The following UBAP2 variants were observed in gnomAD, a reference collection of about 807,000 sequenced individuals.
The protein encoded by UBAP2 is ubiquitin associated protein 2.
In UBAP2, 75 loss-of-function variants were observed where a neutral mutation model predicts 139.6. The observed-to-expected ratio is 0.54, with a 90% CI of 0.45 to 0.65. UBAP2 has a LOEUF of 0.65. Ranked by LOEUF, UBAP2 falls within the 30% of genes least tolerant of loss-of-function variation. The probability of loss-of-function intolerance (pLI) is 0.00; values close to 1 mark genes in which losing one functional copy is unlikely to be tolerated. For missense variants in UBAP2, 1,368 were observed against 1,369.6 expected, an observed-to-expected ratio of 1.00 and a Z score of 0.02; for synonymous variants, 526 against 526.2, an observed-to-expected ratio of 1.00 and a Z score of 0.01.
chr9:33,945,679 T>G (rs1394583093), intron 13 of UBAP2, among the ~76,000 whole-genome samples: 1 of 152,168 alleles, frequency 6.6e-6, no homozygotes, highest in East Asian at 1.9e-4. Context: ...GACAGACATA[T>G]ATATACACAC....
At chr9:33,935,139 T>C (rs1441022569) in intron 17 of UBAP2, among the ~76,000 whole-genome samples, 1 of 126,856 alleles carries the variant, frequency 7.9e-6, no homozygotes, top group East Asian at 2.5e-4. Context: ...CTATCTTTGG[T>C]AATCACTGAG....
Position 33,927,895 on chromosome 9 carries a change from A to G in UBAP2, c.2273T>C (p.Leu758Pro), listed in dbSNP as rs193227187. 2.0e-4 allele frequency: 321 copies of G among 1,614,224 alleles called. No homozygotes were observed. Among genetic ancestry groups the G allele is most frequent in the Non-Finnish European group, 2.7e-4 (314 of 1,180,034 alleles). The change falls in exon 20 of 29, where the codon CTG (leucine) becomes CCG (proline). Residue 758 changes from leucine to proline, a missense_variant. Leu to Pro is a moderately conservative substitution (Grantham distance 98, BLOSUM62 -3). Coordinates refer to ENST00000379238, the MANE Select transcript of UBAP2 (RefSeq NM_001370062.2). ...VSSSASSGAS[L>P]SSSMNTANSL... ...GTTCGCGGTGTTCATGCTACTGGAC[A>G]GGCTGGCGCCTGAGGATGCGGAACT...
intron 2 of UBAP2, among the ~76,000 whole-genome samples, chr9:34,001,265 T>C (rs886665481): frequency 6.6e-6 from 1 of 152,210 alleles, no homozygotes; most frequent in Non-Finnish European, 1.5e-5. Flanking sequence ...ATAAGTAGGA[T>C]TGCAATCCAG....
intron 13 of UBAP2, among the ~76,000 whole-genome samples, chr9:33,945,614 T>G (rs1213026051): frequency 6.6e-6 from 1 of 152,220 alleles, no homozygotes; most frequent in Non-Finnish European, 1.5e-5. Context: ...TACCCGGTTT[T>G]CCTGAATGTC....
At chr9:33,940,193 T>C (rs1441097067) in intron 16 of UBAP2, among the ~76,000 whole-genome samples, 1 of 152,222 alleles carries the variant, frequency 6.6e-6, no homozygotes, top group East Asian at 1.9e-4. Flanking sequence ...CACCACAGTG[T>C]CGTTTCTTTG....
At chr9:33,956,496 T>C (rs1215075964) in intron 10 of UBAP2, among the ~76,000 whole-genome samples, 1 of 152,058 alleles carries the variant, frequency 6.6e-6, no homozygotes, top group East Asian at 1.9e-4. Context: ...ACCGAGCTAA[T>C]TTTTGTATTT....
chr9:33,998,901 C>T (rs780149323), intron 2 of UBAP2, 37 bp from the exon 3 acceptor site: 19 of 1,569,060 alleles, frequency 1.2e-5, no homozygotes, highest in Non-Finnish European at 1.6e-5. Flanking sequence ...ATTTGAACAC[C>T]AAAAGCATAA....
chr9:34,006,733 CA>C (rs2131228990), intron 2 of UBAP2, among the ~76,000 whole-genome samples: 1 of 151,674 alleles, frequency 6.6e-6, no homozygotes, highest in East Asian at 1.9e-4. Flanking sequence ...TTAGAGCCAA[CA>C]AAACTGATGT....
intron 2 of UBAP2, among the ~76,000 whole-genome samples, chr9:34,004,405 G>GTAGTCCCAGCTAC (rs1822991517): frequency 3.3e-5 from 5 of 151,914 alleles, no homozygotes; most frequent in African/African-American, 1.2e-4. Flanking sequence ...GATCACCTTA[G>GTAGTCCCAGCTAC]CCCGAGGAGG....
intron 6 of UBAP2, among the ~76,000 whole-genome samples, chr9:33,975,846 A>C (rs528040821): frequency 6.6e-6 from 1 of 151,980 alleles, no homozygotes; most frequent in Admixed American, 6.6e-5. Flanking sequence ...ACTATGGGTA[A>C]CAGTATGGCA....
intron 1 of UBAP2, among the ~76,000 whole-genome samples, chr9:34,018,183 T>C (rs898805231): frequency 8.0e-5 from 12 of 149,816 alleles, no homozygotes; most frequent in Admixed American, 1.3e-4. Context: ...AAAAAAATTA[T>C]AACCATAAGA....
intron 8 of UBAP2, among the ~76,000 whole-genome samples, chr9:33,969,460 G>A (rs1201556698): frequency 2.0e-5 from 3 of 151,928 alleles, no homozygotes; most frequent in Non-Finnish European, 4.4e-5. Flanking sequence ...ATTAAGGTGG[G>A]ATGGCTTGAA....
At chr9:34,024,088 G>C (rs1342530077) in intron 1 of UBAP2, among the ~76,000 whole-genome samples, 1 of 151,866 alleles carries the variant, frequency 6.6e-6, no homozygotes, top group Non-Finnish European at 1.5e-5. Context: ...GATGGGCGCG[G>C]TGGCACACGC....
At chr9:33,992,818 G>A (rs1821836998) in intron 4 of UBAP2, among the ~76,000 whole-genome samples, 1 of 152,152 alleles carries the variant, frequency 6.6e-6, no homozygotes, top group Non-Finnish European at 1.5e-5. Context: ...GGATTTCCAA[G>A]AGAATTTCTG....
intron 6 of UBAP2, among the ~76,000 whole-genome samples, chr9:33,975,367 G>A (rs1828236292): frequency 6.6e-6 from 1 of 151,744 alleles, no homozygotes; most frequent in African/African-American, 2.4e-5. Context: ...GGGAGGCAGA[G>A]GTTGCAGTGA....
intron 1 of UBAP2, among the ~76,000 whole-genome samples, chr9:34,036,645 C>T (rs1487828190): frequency 6.6e-6 from 1 of 152,152 alleles, no homozygotes; most frequent in Non-Finnish European, 1.5e-5. Context: ...TAGCATCTAA[C>T]ATTGTTGACA....
chr9:34,010,511 A>G (rs1403527922), intron 2 of UBAP2, among the ~76,000 whole-genome samples: 1 of 152,022 alleles, frequency 6.6e-6, no homozygotes, highest in Non-Finnish European at 1.5e-5. Context: ...TAAGAGTACC[A>G]TTAATCATTT....
At chr9:34,003,284 G>A (rs1374194615) in intron 2 of UBAP2, among the ~76,000 whole-genome samples, 2 of 151,436 alleles carry the variant, frequency 1.3e-5, no homozygotes, top group Non-Finnish European at 2.9e-5. Context: ...GCCCACCTTG[G>A]CCACCCAAAG....
intron 14 of UBAP2, 96 bp from the exon 15 acceptor site, chr9:33,943,685 C>A: frequency 1.8e-6 from 2 of 1,095,044 alleles, no homozygotes; most frequent in Non-Finnish European, 2.6e-6. Context: ...GGTTCCCAGG[C>A]AATACTGGCA....
Sources: allele counts gnomAD v4.1 joint callset (sites outside exome capture counted in the v4.1 genomes callset), GRCh38; gene constraint gnomAD v4.1.1; transcripts MANE v1.5; gene names NCBI Gene and HGNC (gene_info 2026-07-23, HGNC 2026-07-21).